Variants in NXPE2 observed in about 807,000 individuals in gnomAD.
The protein encoded by NXPE2 is neurexophilin and PC-esterase domain family member 2, also known as NXPE family member 2.
NXPE2 carries 34 observed loss-of-function variants against 34.4 expected under a neutral mutation model. The ratio of observed to expected loss-of-function variants is 0.99; its 90% CI spans 0.75 to 1.31. The LOEUF (loss-of-function observed/expected upper bound fraction) is 1.31. NXPE2 is among the 40% of genes most tolerant of loss of function. The pLI is 0.00. For synonymous variants in NXPE2, 235 were observed against 231.3 expected (o/e 1.02, Z -0.15); for missense variants, 649 against 672.5 (o/e 0.97, Z 0.39).
chr11:114,530,370 G>T, the NXPE2 span: 2 of 1,614,046 alleles, frequency 1.2e-6, no homozygotes, highest in African/African-American at 2.7e-5. Context: ...GACATGAGAG[G>T]TGCCATTAAC....
chr11:114,794,845 A>ACCCC, the NXPE2 span, among the ~76,000 whole-genome samples: 4 of 142,774 alleles, frequency 2.8e-5, no homozygotes, highest in African/African-American at 8.0e-5. Flanking sequence ...GATGAATTGC[A>ACCCC]CCCCCGCCCC....
At chr11:114,536,613 C>T in the NXPE2 span, among the ~76,000 whole-genome samples, 9,617 of 152,064 alleles carry the variant, frequency 0.063, 1,031 homozygotes, top group African/African-American at 0.22. Flanking sequence ...ACCACCGATC[C>T]CACAGAAATA....
the NXPE2 span, among the ~76,000 whole-genome samples, chr11:114,759,821 T>G: frequency 6.6e-6 from 1 of 152,222 alleles, no homozygotes; most frequent in African/African-American, 2.4e-5. Context: ...GAAAATTGTT[T>G]TTATTAGTTC....
intron 2 of NXPE2, among the ~76,000 whole-genome samples, chr11:114,693,861 A>G (rs914107407): frequency 6.6e-6 from 1 of 152,262 alleles, no homozygotes; most frequent in African/African-American, 2.4e-5. Flanking sequence ...TATTGCTGCT[A>G]TAACAAATTA....
chr11:114,776,864 A>G, the NXPE2 span, among the ~76,000 whole-genome samples: 2 of 152,196 alleles, frequency 1.3e-5, no homozygotes, highest in East Asian at 3.9e-4. Context: ...TTTTCATGGT[A>G]CCCTCATGAC....
At chr11:114,758,928 C>T in the NXPE2 span, among the ~76,000 whole-genome samples, 9 of 150,982 alleles carry the variant, frequency 6.0e-5, no homozygotes, top group East Asian at 1.9e-4. Context: ...CATATAAAAA[C>T]GGCAATTAGT....
the NXPE2 span, among the ~76,000 whole-genome samples, chr11:114,542,358 C>G: frequency 6.6e-6 from 1 of 152,112 alleles, no homozygotes; most frequent in Non-Finnish European, 1.5e-5. Flanking sequence ...CTATTTTTCC[C>G]AGATCGTTCC....
chr11:114,529,828 A>G, the NXPE2 span: 3 of 224,722 alleles, frequency 1.3e-5, no homozygotes, highest in African/African-American at 6.9e-5. Context: ...GTGGGGGGAA[A>G]TGGATCAACG....
At chr11:114,558,534 A>C in the NXPE2 span, among the ~76,000 whole-genome samples, 1 of 152,170 alleles carries the variant, frequency 6.6e-6, no homozygotes, top group Admixed American at 6.6e-5. Context: ...TCTATTACTA[A>C]TGGAAGTTGA....
At chr11:114,506,112 T>TAAAAAAAAAAAAAAAAA in the NXPE2 span, among the ~76,000 whole-genome samples, 1 of 134,430 alleles carries the variant, frequency 7.4e-6, no homozygotes. Context: ...CAAGAAATAT[T>TAAAAAAAAAAAAAAAAA]AAAAAAAAAA....
At chr11:114,507,247 C>CA in the NXPE2 span, among the ~76,000 whole-genome samples, 23,752 of 91,230 alleles carry the variant, frequency 0.26, 2,795 homozygotes, top group African/African-American at 0.36. Context: ...GCCAACCAAC[C>CA]AAAAAAAAAA....
chr11:114,557,020 G>T, the NXPE2 span, among the ~76,000 whole-genome samples: 2 of 151,772 alleles, frequency 1.3e-5, no homozygotes, highest in Admixed American at 1.3e-4. Flanking sequence ...AGCCTCCTGA[G>T]TAGCTGGGAT....
the NXPE2 span, chr11:114,529,071 C>G: frequency 2.7e-6 from 1 of 371,144 alleles, no homozygotes; most frequent in Non-Finnish European, 4.8e-6. Flanking sequence ...GGTGCCTACT[C>G]TTAGCATATT....
the NXPE2 span, among the ~76,000 whole-genome samples, chr11:114,579,323 C>G: frequency 2.0e-5 from 3 of 152,282 alleles, no homozygotes; most frequent in Non-Finnish European, 4.4e-5. Context: ...CCCACTAGGT[C>G]CCACCTCCAG....
the NXPE2 span, among the ~76,000 whole-genome samples, chr11:114,556,075 T>C: frequency 6.6e-6 from 1 of 152,180 alleles, no homozygotes; most frequent in Non-Finnish European, 1.5e-5. Flanking sequence ...TTTTGACAAA[T>C]CTACAAAAAG....
the NXPE2 span, among the ~76,000 whole-genome samples, chr11:114,639,839 A>T: frequency 1.8e-5 from 2 of 111,670 alleles, no homozygotes; most frequent in African/African-American, 7.5e-5. Flanking sequence ...TATTATATTA[A>T]ATATAAAATA....
the NXPE2 span, among the ~76,000 whole-genome samples, chr11:114,625,387 A>G: frequency 6.6e-6 from 1 of 151,456 alleles, no homozygotes; most frequent in Non-Finnish European, 1.5e-5. Flanking sequence ...ACTGTTACCC[A>G]GTGGATAATA....
At chr11:114,781,436 G>C in the NXPE2 span, among the ~76,000 whole-genome samples, 1 of 152,210 alleles carries the variant, frequency 6.6e-6, no homozygotes, top group Non-Finnish European at 1.5e-5. Flanking sequence ...GGAAAAGGGT[G>C]ATGGGATTTA....
Position 114,705,955 on chromosome 11 carries a change from C to T in NXPE2, c.1103C>T (p.Thr368Ile). Residue 368 changes from threonine (T) to isoleucine (I), a missense_variant, in exon 5 of 6, where the codon ACA becomes ATA. By Grantham distance (89) the Thr-to-Ile change is moderately conservative. Transcript: ENST00000389586. ...CTTATTTATCTCATGGGAGATTCAA[C>T]ACTGCATCAGTGGATTTACTACTTA... ...RKLIYLMGDS[T>I]LHQWIYYLQK... The T allele has an allele frequency of 6.6e-7, 1 of 1,520,164 alleles. No homozygotes were observed. The highest frequency in any genetic ancestry group is 8.8e-7 in the Non-Finnish European group (1 of 1,133,484). 94.2% of individuals were successfully genotyped at this position (1,520,164 alleles called of 1,614,324 possible).
Sources: allele counts gnomAD v4.1 joint callset (sites outside exome capture counted in the v4.1 genomes callset), GRCh38; gene constraint gnomAD v4.1.1; transcripts MANE v1.5; gene names NCBI Gene and HGNC (gene_info 2026-07-23, HGNC 2026-07-21).